CAMSAP1: variants seen among roughly 807,000 people sequenced by gnomAD.
CAMSAP1 encodes the protein calmodulin regulated spectrin associated protein 1, also known as calmodulin-regulated spectrin-associated protein 1.
CAMSAP1 carries 58 observed loss-of-function variants against 143.5 expected under a neutral mutation model. The ratio of observed to expected loss-of-function variants is 0.40; its 90% CI spans 0.33 to 0.50. The LOEUF (loss-of-function observed/expected upper bound fraction) is 0.50. Among genes scored for constraint, CAMSAP1 ranks in the 20% least tolerant of loss-of-function variants. The probability of loss-of-function intolerance (pLI) is 0.45; values close to 1 mark genes in which losing one functional copy is unlikely to be tolerated. For missense variants in CAMSAP1, 1,969 were observed against 2,115.7 expected, an observed-to-expected ratio of 0.93 and a Z score of 1.36; for synonymous variants, 945 against 859.3, an observed-to-expected ratio of 1.10 and a Z score of -1.74.
intron 1 of CAMSAP1, among the ~76,000 whole-genome samples, chr9:135,901,009 G>T (rs1391211060): frequency 2.6e-5 from 4 of 152,028 alleles, no homozygotes; most frequent in Non-Finnish European, 4.4e-5. Context: ...CCACCTCAAC[G>T]TCCCAAAGTG....
chr9:135,865,029 C>T (rs778754982), intron 4 of CAMSAP1, among the ~76,000 whole-genome samples: 6 of 152,148 alleles, frequency 3.9e-5, no homozygotes, highest in Non-Finnish European at 8.8e-5. Context: ...GGCAACTAGA[C>T]CACTTCTCAT....
intron 14 of CAMSAP1, 173 bp downstream of exon 14, chr9:135,817,804 G>A (rs1449661893): frequency 2.0e-5 from 12 of 608,720 alleles, no homozygotes; most frequent in East Asian, 1.4e-4. Flanking sequence ...TGGGGAGCCC[G>A]TGTGAAGGGC....
intron 16 of CAMSAP1, among the ~76,000 whole-genome samples, chr9:135,812,311 A>G (rs1292507889): frequency 6.6e-6 from 1 of 152,206 alleles, no homozygotes; most frequent in African/African-American, 2.4e-5. Flanking sequence ...GGGTCGGAGC[A>G]TGCAATGGAG....
chr9:135,901,042 C>T (rs1056748406), intron 1 of CAMSAP1, among the ~76,000 whole-genome samples: 1 of 152,162 alleles, frequency 6.6e-6, no homozygotes, highest in African/African-American at 2.4e-5. Flanking sequence ...GCATGAGCCA[C>T]CACGCCTAGC....
intron 1 of CAMSAP1, among the ~76,000 whole-genome samples, chr9:135,903,778 T>C (rs1311298842): frequency 6.6e-6 from 1 of 152,200 alleles, no homozygotes; most frequent in African/African-American, 2.4e-5. Context: ...AAGAACCATG[T>C]CTGATTAACT....
At chr9:135,849,073 G>A (rs1836678971) in intron 7 of CAMSAP1, among the ~76,000 whole-genome samples, 1 of 152,240 alleles carries the variant, frequency 6.6e-6, no homozygotes, top group South Asian at 2.1e-4. Flanking sequence ...TTACAATGGG[G>A]TCATGCCCCA....
chr9:135,844,224 C>G (rs1836469187), intron 7 of CAMSAP1, among the ~76,000 whole-genome samples: 1 of 152,056 alleles, frequency 6.6e-6, no homozygotes, highest in Non-Finnish European at 1.5e-5. Flanking sequence ...CAGCAAATGC[C>G]AAAGAACGGA....
chr9:135,867,131 G>A (rs1440342826), intron 3 of CAMSAP1, among the ~76,000 whole-genome samples: 9 of 152,092 alleles, frequency 5.9e-5, no homozygotes, highest in Non-Finnish European at 1.2e-4. Flanking sequence ...AAAGGGGCTA[G>A]GTAAAAGCCA....
chr9:135,849,537 T>G (rs757543576), intron 7 of CAMSAP1, among the ~76,000 whole-genome samples: 2 of 152,214 alleles, frequency 1.3e-5, no homozygotes, highest in Non-Finnish European at 2.9e-5. Flanking sequence ...TCTTCTTTTT[T>G]CTTATGGCTA....
At chr9:135,900,074 G>A (rs927774622) in intron 1 of CAMSAP1, among the ~76,000 whole-genome samples, 9 of 152,112 alleles carry the variant, frequency 5.9e-5, no homozygotes, top group African/African-American at 1.4e-4. Flanking sequence ...TACCCAAGCC[G>A]AAGTGCAGTG....
intron 1 of CAMSAP1, among the ~76,000 whole-genome samples, chr9:135,899,037 T>C (rs948382525): frequency 6.6e-6 from 1 of 152,118 alleles, no homozygotes; most frequent in African/African-American, 2.4e-5. Flanking sequence ...CTACACAACA[T>C]GAATTTCAAA....
At chr9:135,880,564 C>T (rs960954059) in intron 3 of CAMSAP1, among the ~76,000 whole-genome samples, 3 of 151,266 alleles carry the variant, frequency 2.0e-5, no homozygotes, top group African/African-American at 4.9e-5. Flanking sequence ...TAGAAAAAGT[C>T]GAAACACAAA....
chr9:135,812,297 C>T (rs1010223322), intron 16 of CAMSAP1, among the ~76,000 whole-genome samples: 1 of 152,110 alleles, frequency 6.6e-6, no homozygotes, highest in Admixed American at 6.5e-5. Flanking sequence ...AGATGAACAG[C>T]ATGGGGTCGG....
chr9:135,867,467 AG>A, intron 3 of CAMSAP1, among the ~76,000 whole-genome samples: 1 of 140,194 alleles, frequency 7.1e-6, no homozygotes, highest in South Asian at 2.4e-4. Flanking sequence ...CAACACAGCA[AG>A]ACCCCCCTCT....
Position 135,886,600 on chromosome 9 carries a change from G to A in CAMSAP1, c.161-3522C>T, listed in dbSNP as rs141477048. Among the ~76,000 whole-genome samples, 207 of 152,348 alleles carry A rather than the reference G, an allele frequency of 1.4e-3. 2 individuals carry two copies. Among genetic ancestry groups the A allele is most frequent in the Admixed American group, 2.2e-3 (34 of 15,308 alleles). On this transcript the variant is annotated intron_variant, in intron 1 of 16. Transcript: ENST00000389532. The stretch of plus-strand genomic sequence containing the variant: ...GCGCTGGGAGGACCTGGGCCCTGCG[G>A]GATCTGTCAGCAGAGCGAGACAGGC...
intron 7 of CAMSAP1, among the ~76,000 whole-genome samples, chr9:135,839,721 G>A (rs963247511): frequency 5.9e-5 from 9 of 152,070 alleles, no homozygotes; most frequent in African/African-American, 2.2e-4. Context: ...CCTTGGGACC[G>A]AGCCTGCACA....
intron 7 of CAMSAP1, among the ~76,000 whole-genome samples, chr9:135,848,781 C>T (rs1031940059): frequency 6.6e-6 from 1 of 152,246 alleles, no homozygotes; most frequent in East Asian, 1.9e-4. Flanking sequence ...AGCAGAGCTG[C>T]TCTGAGCATC....
intron 1 of CAMSAP1, among the ~76,000 whole-genome samples, chr9:135,894,236 C>T (rs1296155651): frequency 3.3e-5 from 5 of 152,078 alleles, no homozygotes; most frequent in Non-Finnish European, 7.4e-5. Context: ...ACAAACTAGA[C>T]ACACCCTGCA....
chr9:135,886,016 C>CAACT (rs1838110723), intron 1 of CAMSAP1, among the ~76,000 whole-genome samples: 1 of 151,350 alleles, frequency 6.6e-6, no homozygotes, highest in Admixed American at 6.6e-5. Flanking sequence ...GCTGGATGTG[C>CAACT]ACAGTTCTAG....
Sources: allele counts gnomAD v4.1 joint callset (sites outside exome capture counted in the v4.1 genomes callset), GRCh38; gene constraint gnomAD v4.1.1; transcripts MANE v1.5; gene names NCBI Gene and HGNC (gene_info 2026-07-23, HGNC 2026-07-21).